The following DAB1 variants were observed in gnomAD, a reference collection of about 807,000 sequenced individuals.
DAB1 encodes the protein DAB adaptor protein 1, also known as disabled homolog 1.
A neutral mutation model predicts 64.6 loss-of-function variants in DAB1; 15 were observed. The observed-to-expected ratio is 0.23, with a 90% CI of 0.16 to 0.36. The LOEUF is 0.36. Ranked by LOEUF, DAB1 falls within the 10% of genes least tolerant of loss-of-function variation. The pLI is 1.00. For missense variants in DAB1, 596 were observed against 706.7 expected, an observed-to-expected ratio of 0.84 and a Z score of 1.78; for synonymous variants, 235 against 251.9, an observed-to-expected ratio of 0.93 and a Z score of 0.64.
intron 4 of DAB1, among the ~76,000 whole-genome samples, chr1:58,297,944 C>T (rs1342990791): frequency 6.6e-6 from 1 of 152,176 alleles, no homozygotes; most frequent in Non-Finnish European, 1.5e-5. Flanking sequence ...GGGAGAATGG[C>T]TCCCATCACT....
downstream of DAB1, among the ~76,000 whole-genome samples, chr1:57,822,880 T>C (rs187292482): frequency 5.3e-5 from 8 of 152,216 alleles, no homozygotes; most frequent in Admixed American, 5.2e-4. Flanking sequence ...CAAACCAGAT[T>C]TTGAAGAATA....
intron 2 of DAB1, among the ~76,000 whole-genome samples, chr1:57,184,139 C>G (rs1663275319): frequency 6.6e-6 from 1 of 152,148 alleles, no homozygotes; most frequent in African/African-American, 2.4e-5. Context: ...AGAAATCCTG[C>G]TGCCCCACAT....
chr1:57,102,673 C>G (rs1654788532), intron 4 of DAB1, among the ~76,000 whole-genome samples: 1 of 152,120 alleles, frequency 6.6e-6, no homozygotes, highest in African/African-American at 2.4e-5. Context: ...TTTCTTGCTT[C>G]CAGTGGAGGC....
At chr1:57,031,082 A>G (rs557230713) in intron 9 of DAB1, among the ~76,000 whole-genome samples, 127 of 152,370 alleles carry the variant, frequency 8.3e-4, no homozygotes, top group African/African-American at 2.8e-3. Context: ...TACTTGAGAT[A>G]TAGACTTTCC....
At chr1:57,970,664 G>C (rs1412208254) in intron 5 of DAB1, among the ~76,000 whole-genome samples, 3 of 152,084 alleles carry the variant, frequency 2.0e-5, no homozygotes, top group Non-Finnish European at 2.9e-5. Flanking sequence ...TGAATCCAAA[G>C]CTCACAGTCA....
intron 3 of DAB1, among the ~76,000 whole-genome samples, chr1:58,346,572 A>C (rs1643999159): frequency 6.6e-6 from 1 of 152,230 alleles, no homozygotes; most frequent in Non-Finnish European, 1.5e-5. Flanking sequence ...GGTTCCAGAA[A>C]AAGCCCTTTG....
chr1:57,462,179 C>A (rs1385689610), intron 7 of DAB1, among the ~76,000 whole-genome samples: 2 of 151,950 alleles, frequency 1.3e-5, no homozygotes, highest in East Asian at 1.9e-4. Flanking sequence ...GAACTCCTGA[C>A]CTCAGGTGAC....
Position 57,145,381 on chromosome 1 carries a change from C to T in DAB1, c.116G>A (p.Gly39Glu). The T allele has an allele frequency of 6.2e-7, 1 of 1,614,074 alleles. No individual in the cohort carries two copies. Among genetic ancestry groups the T allele is most frequent in the Non-Finnish European group, 8.5e-7 (1 of 1,179,972 alleles). Residue 39 changes from glycine (G) to glutamate (E), a missense_variant, in exon 3 of 15, where the codon GGG becomes GAG. Coordinates refer to ENST00000371236, the MANE Select transcript of DAB1 (RefSeq NM_001365792.1). The stretch of plus-strand genomic sequence containing the variant: ...GATCAATTTGGCTTTGTACCGGACC[C>T]CTTCACCTTTAAACCTCTTTATCAA... ...ATLIKRFKGE[G>E]VRYKAKLIGI...
intron 8 of DAB1, among the ~76,000 whole-genome samples, chr1:57,063,604 G>A (rs1419227784): frequency 6.6e-6 from 1 of 152,162 alleles, no homozygotes; most frequent in Non-Finnish European, 1.5e-5. Flanking sequence ...AACTGTGACA[G>A]GCTGAGCAGG....
chr1:58,072,087 G>GC (rs920787020), intron 5 of DAB1, among the ~76,000 whole-genome samples: 3 of 128,612 alleles, frequency 2.3e-5, no homozygotes, highest in African/African-American at 5.6e-5. Flanking sequence ...TGGTGGGGTG[G>GC]GGGGGGGTGG....
At chr1:57,248,404 G>GGGCT (rs1669057673) in intron 2 of DAB1, among the ~76,000 whole-genome samples, 1 of 151,922 alleles carries the variant, frequency 6.6e-6, no homozygotes, top group Non-Finnish European at 1.5e-5. Flanking sequence ...CACTCCTTTA[G>GGGCT]GGCTGAATCT....
At chr1:57,787,225 G>A (rs1474813081) in intron 6 of DAB1, among the ~76,000 whole-genome samples, 2 of 152,042 alleles carry the variant, frequency 1.3e-5, no homozygotes, top group African/African-American at 4.8e-5. Context: ...TGAAACAGAA[G>A]AACAAAATTG....
At chr1:58,399,282 A>G (rs1644550599) in intron 3 of DAB1, among the ~76,000 whole-genome samples, 1 of 152,216 alleles carries the variant, frequency 6.6e-6, no homozygotes, top group African/African-American at 2.4e-5. Flanking sequence ...AAGCAGGCAG[A>G]ACACAGATTA....
intron 1 of DAB1, among the ~76,000 whole-genome samples, chr1:57,299,296 A>G (rs1226583840): frequency 6.6e-6 from 1 of 152,226 alleles, no homozygotes; most frequent in East Asian, 1.9e-4. Context: ...ATGGAACAAT[A>G]ATAGAATAAT....
rs1253470209 is a variant in DAB1 at position 57,681,443 on chromosome 1, GA to G, written n.552-31779del. ...AAGATATCTTTTTGTTGGGGGTGGG[GA>G]AAAAACTTTAACCCATTTCTCTATA... On this transcript the variant is annotated intron_variant and non_coding_transcript_variant, in intron 6 of 20. Coordinates refer to the DAB1 transcript ENST00000485760. Among the ~76,000 whole-genome samples, 6 of 152,098 alleles carry G rather than the reference GA, an allele frequency of 3.9e-5. No individual in the cohort carries two copies. In the South Asian group the frequency reaches 6.2e-4, roughly 16 times the overall value.
chr1:58,056,118 T>C, intron 5 of DAB1: 2 of 1,104,812 alleles, frequency 1.8e-6, no homozygotes, highest in Non-Finnish European at 2.7e-6. Flanking sequence ...CTTCAGTCTT[T>C]AAGAACTCAG....
chr1:57,248,363 C>G (rs1278866901), intron 2 of DAB1, among the ~76,000 whole-genome samples: 1 of 152,014 alleles, frequency 6.6e-6, no homozygotes, highest in Non-Finnish European at 1.5e-5. Flanking sequence ...ATTTTTATGA[C>G]AGTGGCCATA....
chr1:57,254,840 C>T (rs1669637201), intron 2 of DAB1, among the ~76,000 whole-genome samples: 1 of 151,976 alleles, frequency 6.6e-6, no homozygotes, highest in Non-Finnish European at 1.5e-5. Flanking sequence ...TGTTTCTACT[C>T]ATCTCCAAAC....
intron 4 of DAB1, among the ~76,000 whole-genome samples, chr1:58,194,154 T>C (rs1390133450): frequency 6.6e-6 from 1 of 152,224 alleles, no homozygotes; most frequent in Non-Finnish European, 1.5e-5. Flanking sequence ...TTTAATTTAC[T>C]TCTCAGACTA....
Sources: allele counts gnomAD v4.1 joint callset (sites outside exome capture counted in the v4.1 genomes callset), GRCh38; gene constraint gnomAD v4.1.1; transcripts MANE v1.5; gene names NCBI Gene and HGNC (gene_info 2026-07-23, HGNC 2026-07-21).